GALNT17: variants seen among roughly 807,000 people sequenced by gnomAD.
GALNT17 encodes the protein UDP-GalNAc:polypeptide N-acetylgalactosaminyltransferase-like 3.
A neutral mutation model predicts 63.7 loss-of-function variants in GALNT17; 29 were observed. That is an observed-to-expected ratio of 0.46 (90% confidence interval 0.34 to 0.62). The LOEUF is 0.62. Among genes scored for constraint, GALNT17 ranks in the 20% least tolerant of loss-of-function variants. GALNT17 has a pLI of 0.01. For synonymous variants in GALNT17, 305 were observed against 318.3 expected, an observed-to-expected ratio of 0.96 and a Z score of 0.45; for missense variants, 603 against 799.6, an observed-to-expected ratio of 0.75 and a Z score of 2.97.
chr7:71,615,341 A>C lies in GALNT17; in HGVS notation c.1080+43939A>C, dbSNP rs553787683. ...GAGTCACTTATGTCCCTGGCCCTCCATCTGCCAGCGAGACCTCCGAGTCAC... is the reference window on the plus strand; with the variant it reads ...GAGTCACTTATGTCCCTGGCCCTCCCTCTGCCAGCGAGACCTCCGAGTCAC... On this transcript the variant is annotated intron_variant, in intron 6 of 10. Coordinates refer to ENST00000333538, the MANE Select transcript of GALNT17 (RefSeq NM_022479.3). Among the ~76,000 whole-genome samples, 4 of 152,164 alleles carry C rather than the reference A, an allele frequency of 2.6e-5. No homozygotes were observed. In the South Asian group the frequency reaches 8.3e-4, roughly 32 times the overall value.
intron 5 of GALNT17, among the ~76,000 whole-genome samples, chr7:71,453,449 A>C (rs767632610): frequency 3.9e-5 from 6 of 152,228 alleles, no homozygotes; most frequent in Non-Finnish European, 7.3e-5. Flanking sequence ...TAGGCCAGAA[A>C]AAAGAATGAG....
intron 3 of GALNT17, 87 bp from the exon 4 acceptor site, chr7:71,415,802 C>T: frequency 7.2e-7 from 1 of 1,384,600 alleles, no homozygotes; most frequent in Non-Finnish European, 9.6e-7. Flanking sequence ...CTTTGAACTC[C>T]CTGAAGATCT....
intron 6 of GALNT17, among the ~76,000 whole-genome samples, chr7:71,602,993 G>A (rs930024065): frequency 1.3e-5 from 2 of 152,158 alleles, no homozygotes; most frequent in African/African-American, 2.4e-5. Flanking sequence ...CAGGTCCTAT[G>A]CTAAGTGCAT....
intron 1 of GALNT17, among the ~76,000 whole-genome samples, chr7:71,222,722 T>C (rs1321229330): frequency 1.3e-5 from 2 of 152,318 alleles, no homozygotes; most frequent in East Asian, 1.9e-4. Context: ...TGATGTGTCC[T>C]TCTAAGTGCA....
At position 71,710,756 on chromosome 7, in the gene GALNT17, G is replaced by T; in HGVS notation, c.1501-5G>T. 6.2e-7 allele frequency: 1 copy of T among 1,611,284 alleles called. No homozygotes were observed. The highest frequency in any genetic ancestry group is 8.5e-7 in the Non-Finnish European group (1 of 1,179,652). On this transcript the variant is annotated splice_polypyrimidine_tract_variant and splice_region_variant and intron_variant, in intron 9 of 10. Transcript: ENST00000333538. The stretch of plus-strand genomic sequence containing the variant: ...CATTCCCCTGCTGCTCTGGTCTCTC[G>T]ACAGCTTGCCCGCTACACCAAGGAA...
chr7:71,677,656 A>G (rs1791173359), intron 9 of GALNT17, among the ~76,000 whole-genome samples: 2 of 151,824 alleles, frequency 1.3e-5, no homozygotes, highest in African/African-American at 2.4e-5. Context: ...CTGGGACTAC[A>G]TGCGCCCGCC....
chr7:71,357,012 C>T (rs1792299021), intron 2 of GALNT17, among the ~76,000 whole-genome samples: 1 of 152,102 alleles, frequency 6.6e-6, no homozygotes, highest in African/African-American at 2.4e-5. Context: ...AAACTCCTGA[C>T]CGACCTCAGG....
At chr7:71,433,992 C>A (rs148962451) in intron 5 of GALNT17, among the ~76,000 whole-genome samples, 1 of 152,124 alleles carries the variant, frequency 6.6e-6, no homozygotes, top group Non-Finnish European at 1.5e-5. Flanking sequence ...GTCTTCTGGC[C>A]TCCATCTTTT....
rs926137001 is a variant in GALNT17, at chr7:71,518,223, G to A, written c.963-53062G>A. On this transcript the variant is annotated intron_variant, in intron 5 of 10. Coordinates refer to ENST00000333538, the MANE Select transcript of GALNT17 (RefSeq NM_022479.3). The stretch of plus-strand genomic sequence containing the variant: ...TCTAATTTATAAAAATAGAAATACC[G>A]TGTGAGAATGCTCATCAGTAATTTC... 6.6e-5 allele frequency among the ~76,000 whole-genome samples: 10 copies of A among 152,188 alleles called. No homozygotes were observed. In the East Asian group the frequency reaches 9.6e-4, roughly 15 times the overall value.
chr7:71,252,387 C>T (rs544889746), intron 1 of GALNT17, among the ~76,000 whole-genome samples: 18 of 152,022 alleles, frequency 1.2e-4, no homozygotes, highest in South Asian at 1.0e-3. Flanking sequence ...TACCTGGGCA[C>T]GGTGGCACGT....
At chr7:71,679,637 C>CG (rs1349389035) in intron 9 of GALNT17, among the ~76,000 whole-genome samples, 2 of 151,848 alleles carry the variant, frequency 1.3e-5, no homozygotes, top group Non-Finnish European at 2.9e-5. Context: ...CCAGTTTGGC[C>CG]GGAACTTTGA....
chr7:71,478,880 A>G (rs1787767675), intron 5 of GALNT17, among the ~76,000 whole-genome samples: 2 of 152,312 alleles, frequency 1.3e-5, no homozygotes, highest in South Asian at 2.1e-4. Context: ...TGTGTGGACA[A>G]AGTGGCAGCT....
chr7:71,478,006 C>T lies in GALNT17; in HGVS notation c.962+56901C>T, dbSNP rs796120483. ...TGATACAATTTACTAAGGCATTTACCGTGTCTACCCTGTACATGGCTGTGA... is the reference window on the plus strand; with the variant it reads ...TGATACAATTTACTAAGGCATTTACTGTGTCTACCCTGTACATGGCTGTGA... On this transcript the variant is annotated intron_variant, in intron 5 of 10. Coordinates refer to ENST00000333538, the MANE Select transcript of GALNT17 (RefSeq NM_022479.3). Among the ~76,000 whole-genome samples the T allele has an allele frequency of 2.4e-4, 37 of 152,234 alleles. 1 individual carries two copies. The highest frequency in any genetic ancestry group is 8.2e-4 in the African/African-American group (34 of 41,540).
At chr7:71,620,389 T>C (rs1344636103) in intron 6 of GALNT17, among the ~76,000 whole-genome samples, 1 of 152,152 alleles carries the variant, frequency 6.6e-6, no homozygotes, top group Non-Finnish European at 1.5e-5. Flanking sequence ...GTACTTCTGG[T>C]AGAATGGAGC....
At chr7:71,284,906 T>G (rs1188529687) in intron 1 of GALNT17, among the ~76,000 whole-genome samples, 4 of 151,960 alleles carry the variant, frequency 2.6e-5, no homozygotes, top group Admixed American at 2.6e-4. Context: ...CTTCCATAAG[T>G]GAGTTAACTG....
intron 1 of GALNT17, among the ~76,000 whole-genome samples, chr7:71,167,838 C>T (rs1051229407): frequency 4.6e-5 from 7 of 152,180 alleles, no homozygotes; most frequent in Middle Eastern, 3.4e-3. Flanking sequence ...TACAGGCGTG[C>T]GCCACGATGC....
intron 1 of GALNT17, among the ~76,000 whole-genome samples, chr7:71,249,181 A>G (rs1790153311): frequency 6.6e-6 from 1 of 152,256 alleles, no homozygotes; most frequent in Non-Finnish European, 1.5e-5. Flanking sequence ...GTTCATCTTT[A>G]CATAACAGCA....
At chr7:71,376,749 C>G (rs951965096) in intron 2 of GALNT17, among the ~76,000 whole-genome samples, 1 of 151,594 alleles carries the variant, frequency 6.6e-6, no homozygotes, top group African/African-American at 2.4e-5. Flanking sequence ...ACTAGGAGTT[C>G]AAGACCAGCC....
chr7:71,670,022 A>G lies in GALNT17; in HGVS notation c.1317A>G (p.Lys439=). The G allele has an allele frequency of 6.2e-7, 1 of 1,614,188 alleles. No individual in the cohort carries two copies. The highest frequency in any genetic ancestry group is 2.2e-5 in the East Asian group (1 of 44,870). Residue 439 remains lysine (K), a synonymous_variant, in exon 8 of 11, where the codon AAA becomes AAG. Coordinates refer to ENST00000333538, the MANE Select transcript of GALNT17 (RefSeq NM_022479.3). ...TCTCCGAAAGAAGAGCATTAAGGAA[A>G]AGTTTAAAGTGTAAGAATTTCCAGT... ...GDVSERRALR[K]SLKCKNFQWY...
Sources: gnomAD v4.1 joint callset for allele counts (sites outside exome capture counted in the v4.1 genomes callset) on GRCh38, gnomAD v4.1.1 for gene constraint, MANE v1.5 for transcripts, NCBI Gene and HGNC (gene_info 2026-07-23, HGNC 2026-07-21) for gene names.